LYPD4: variants seen among roughly 807,000 people sequenced by gnomAD.
LYPD4 encodes ly6/PLAUR domain-containing protein 4.
In LYPD4, 20 loss-of-function variants were observed where a neutral mutation model predicts 18.2. The observed-to-expected ratio is 1.10, with a 90% confidence interval of 0.77 to 1.59. LYPD4 has a LOEUF of 1.59. LYPD4 is among the 40% of genes most tolerant of loss of function. LYPD4 has a pLI of 0.00. For missense variants in LYPD4, 278 were observed against 300.3 expected, an observed-to-expected ratio of 0.93 and a Z score of 0.55; for synonymous variants, 111 against 118.3, an observed-to-expected ratio of 0.94 and a Z score of 0.40.
At chr19:41,836,048 C>T (rs1345697997), downstream of LYPD4, 1 of 151,724 alleles carries the variant, frequency 6.6e-6, no homozygotes, top group African/African-American at 2.4e-5. Flanking sequence ...CACAGCGACT[C>T]TCCATTCCCT....
rs1568758013 is a variant in LYPD4, at chr19:41,838,169, A to G, written c.304T>C (p.Ser102Pro). ...CAGACGCGACTGTAGGAGGCAATGG[A>G]CACTCCGGGTGGGGAAACAAGGTAG... ...ISYLVSPPGV[S>P]IASYSRVCRS... is the part of the protein sequence containing the mutation. The change falls in exon 4 of 5, where the codon TCC becomes CCC. Residue 102 changes from serine (S) to proline (P), a missense_variant. By Grantham distance (74) the Ser-to-Pro change is moderately conservative (BLOSUM62 -1). Transcript: ENST00000609812. 6.2e-7 allele frequency: 1 copy of G among 1,608,160 alleles called. No homozygotes were observed.
chr19:41,839,895 A>G (rs1399391739), intron 1 of LYPD4, among the ~76,000 whole-genome samples: 2 of 152,014 alleles, frequency 1.3e-5, no homozygotes, highest in African/African-American at 4.8e-5. Flanking sequence ...ACTAAAAAAT[A>G]TAAATTAGCC....
intron 2 of LYPD4, 47 bp from the exon 3 acceptor site, chr19:41,839,071 C>G: frequency 6.2e-7 from 1 of 1,611,108 alleles, no homozygotes; most frequent in South Asian, 1.1e-5. Flanking sequence ...ATATCATCTT[C>G]TGAGCCCGTT....
rs371984136 is a variant in LYPD4, at chr19:41,837,954, G to A, written c.519C>T (p.Ser173=). The A allele has an allele frequency of 6.8e-6, 11 of 1,609,166 alleles. No individual in the cohort carries two copies. Among genetic ancestry groups the A allele is most frequent in the Non-Finnish European group, 9.3e-6 (11 of 1,176,648 alleles). Reference sequence around the variant, plus strand: ...TCTCACCTGCCTGAAATTTTAAGGTGGAACTGTAACACGTAGAAGCAGCCA... The same window carrying A: ...TCTCACCTGCCTGAAATTTTAAGGTAGAACTGTAACACGTAGAAGCAGCCA... The part of the protein sequence containing the change: ...CPLAASTCYS[S]TLKFQAGFLN... Residue 173 remains serine, a synonymous_variant, in exon 4 of 5, where the codon TCC becomes TCT. Coordinates refer to ENST00000609812, the MANE Select transcript of LYPD4 (RefSeq NM_173506.7).
intron 3 of LYPD4, 58 bp from the exon 4 acceptor site, chr19:41,838,319 C>T: frequency 7.1e-7 from 1 of 1,402,090 alleles, no homozygotes; most frequent in Non-Finnish European, 9.4e-7. Flanking sequence ...ACCCAGAGTC[C>T]TCCCTCCCCC....
intron 1 of LYPD4, among the ~76,000 whole-genome samples, chr19:41,840,127 CACAG>C (rs1444846088): frequency 4.0e-5 from 6 of 151,706 alleles, no homozygotes; most frequent in East Asian, 3.9e-4. Context: ...CAGACATAGA[CACAG>C]ACAGACACAC....
chr19:41,840,269 A>C (rs1271305275), intron 1 of LYPD4, among the ~76,000 whole-genome samples: 2 of 152,152 alleles, frequency 1.3e-5, no homozygotes. Flanking sequence ...TCTACAAAAA[A>C]TACAAAAATT....
Position 41,839,236 on chromosome 19 carries a change from G to A in LYPD4, c.50C>T (p.Ala17Val), listed in dbSNP as rs1555832547. 4 of 1,614,100 alleles carry A rather than the reference G, an allele frequency of 2.5e-6. No individual in the cohort carries two copies. Among genetic ancestry groups the A allele is most frequent in the Non-Finnish European group, 3.4e-6 (4 of 1,180,026 alleles). The change falls in exon 2 of 5, where the codon GCC (alanine) becomes GTC (valine). Residue 17 changes from alanine (A) to valine (V), a missense_variant. Physicochemically the swap from Ala to Val is moderately conservative, Grantham distance 64 (BLOSUM62 0). Coordinates refer to ENST00000609812, the MANE Select transcript of LYPD4 (RefSeq NM_173506.7). ...GGACATACGAGGCAGAGTGGAGATG[G>A]CCCCTAGAAGGCAGAACAGCTGCAC... The part of the protein sequence containing the change: ...RLVQLFCLLG[A>V]ISTLPRAGAL...
chr19:41,835,467 G>C (rs1555830117), downstream of LYPD4: 3 of 152,232 alleles, frequency 2.0e-5, no homozygotes, highest in African/African-American at 7.2e-5. Flanking sequence ...GTGGGATGAA[G>C]ACAATCTGTG....
At chr19:41,843,056 AAAAAAAAAAAAAAAAAAAAAACC>A (rs1600568732) in intron 1 of LYPD4, among the ~76,000 whole-genome samples, 2 of 60,416 alleles carry the variant, frequency 3.3e-5, no homozygotes, top group Non-Finnish European at 7.4e-5. Context: ...AAAAAAAAAA[AAAAAAAAAAAAAAAAAAAAAACC>A]CCAACAACAA....
At chr19:41,843,179 G>A (rs1259282512) in intron 1 of LYPD4, among the ~76,000 whole-genome samples, 1 of 150,826 alleles carries the variant, frequency 6.6e-6, no homozygotes, top group Non-Finnish European at 1.5e-5. Flanking sequence ...GAAGGTTAGG[G>A]AATGAAAGTG....
Position 41,839,112 on chromosome 19 carries a change from G to A in LYPD4, c.68-88C>T, listed in dbSNP as rs1555832458. 6 of 1,611,036 alleles carry A rather than the reference G, an allele frequency of 3.7e-6. No homozygotes were observed. In the African/African-American group the frequency reaches 4.0e-5, roughly 11 times the overall value. The stretch of plus-strand genomic sequence containing the variant: ...CCAACCAAGAGTTCAGCCCCCACAG[G>A]TCCTGTCCCCAGCGAAACCTAGATA... On this transcript the variant is annotated intron_variant, in intron 2 of 4. Coordinates refer to ENST00000609812, the MANE Select transcript of LYPD4 (RefSeq NM_173506.7).
At chr19:41,839,601 G>T (rs1316277283) in intron 1 of LYPD4, 196 bp from the exon 2 acceptor site, 14 of 385,370 alleles carry the variant, frequency 3.6e-5, no homozygotes, top group Admixed American at 3.3e-4. Flanking sequence ...GAGAATCCTG[G>T]CTTACTGATA....
At chr19:41,844,844 C>G (rs1228582066), upstream of LYPD4, 1 of 152,372 alleles carries the variant, frequency 6.6e-6, no homozygotes, top group African/African-American at 2.4e-5. Flanking sequence ...TGGCGCGAGG[C>G]TCAACTCGAA....
chr19:41,841,526 T>C (rs1160578059), intron 1 of LYPD4, among the ~76,000 whole-genome samples: 1 of 150,776 alleles, frequency 6.6e-6, no homozygotes, highest in Non-Finnish European at 1.5e-5. Context: ...ATTAGCCCGG[T>C]GTGGTGGTAC....
At chr19:41,837,877 G>A (rs2073419735) in intron 4 of LYPD4, 58 bp downstream of exon 4, 1 of 1,493,578 alleles carries the variant, frequency 6.7e-7, no homozygotes, top group African/African-American at 1.4e-5. Context: ...ATGTGAAGGT[G>A]CTGGACAATG....
intron 1 of LYPD4, among the ~76,000 whole-genome samples, chr19:41,843,067 AAAAAAAAAAAC>A (rs2073687802): frequency 2.5e-5 from 1 of 39,780 alleles, no homozygotes; most frequent in African/African-American, 8.7e-5. Context: ...AAAAAAAAAA[AAAAAAAAAAAC>A]CCCAACAACA....
intron 1 of LYPD4, among the ~76,000 whole-genome samples, chr19:41,843,126 A>G (rs548661634): frequency 1.3e-5 from 2 of 149,544 alleles, no homozygotes; most frequent in Non-Finnish European, 3.0e-5. Context: ...CACACAAACC[A>G]AAAGATACAT....
At chr19:41,843,473 C>T (rs1555834237) in intron 1 of LYPD4, 105 bp downstream of exon 1, 1 of 152,066 alleles carries the variant, frequency 6.6e-6, no homozygotes, top group Non-Finnish European at 1.5e-5. Flanking sequence ...CACACTTCCT[C>T]TCACTCTCTC....
Sources: allele counts gnomAD v4.1 joint callset (sites outside exome capture counted in the v4.1 genomes callset), GRCh38; gene constraint gnomAD v4.1.1; transcripts MANE v1.5; gene names NCBI Gene and HGNC (gene_info 2026-07-23, HGNC 2026-07-21).